Variants in SHTN1 observed in about 807,000 individuals in gnomAD.
SHTN1 encodes shootin 1.
SHTN1 carries 42 observed loss-of-function variants against 83.1 expected under a neutral mutation model. That is an observed-to-expected ratio of 0.51 (90% CI 0.39 to 0.65). The LOEUF (loss-of-function observed/expected upper bound fraction) is 0.65. SHTN1 is among the 30% of genes least tolerant of loss of function. SHTN1 has a pLI of 0.00. For missense variants in SHTN1, 622 were observed against 737.8 expected (o/e 0.84, Z 1.82); for synonymous variants, 224 against 247.7 (o/e 0.90, Z 0.90).
At chr10:117,010,912 T>C (rs1426013441) in intron 2 of SHTN1, among the ~76,000 whole-genome samples, 1 of 152,180 alleles carries the variant, frequency 6.6e-6, no homozygotes, top group African/African-American at 2.4e-5. Context: ...CAGTAATAGA[T>C]GGAACATCCT....
In SHTN1 at chr10:116,892,149, C is replaced by T. The variant is rs193074083; in HGVS notation, c.1674-5583G>A. Among the ~76,000 whole-genome samples, 34 of 152,274 alleles carry T rather than the reference C, an allele frequency of 2.2e-4. 1 individual carries two copies. The highest frequency in any genetic ancestry group is 8.2e-4 in the African/African-American group (34 of 41,568). On this transcript the variant is annotated intron_variant, in intron 16 of 16. Transcript: ENST00000355371. ...TTTAGCTGAGTGACTGCAGCACAGG[C>T]ATCCCAGTACACGGCTTACCTCCCG...
In SHTN1 at chr10:117,013,227, T is replaced by C. The variant is rs1002412850; in HGVS notation, c.-122-33919A>G. On this transcript the variant is annotated intron_variant, in intron 2 of 17. Transcript: ENST00000392901. The stretch of plus-strand genomic sequence containing the variant: ...TCTTGCTCTGTGTCCCAGGCTGGAG[T>C]GCAGTGGTACCATCTCGGCTCACTG... Among the ~76,000 whole-genome samples the C allele has an allele frequency of 2.0e-5, 3 of 152,152 alleles. No homozygotes were observed. In the East Asian group the frequency reaches 5.8e-4, roughly 29 times the overall value.
rs746080176 is a variant in SHTN1 at position 117,005,057 on chromosome 10, T to G, written c.23A>C (p.Lys8Thr). 8 of 1,599,076 alleles carry G rather than the reference T, an allele frequency of 5.0e-6. No individual in the cohort carries two copies. Among genetic ancestry groups the G allele is most frequent in the Non-Finnish European group, 6.0e-6 (7 of 1,173,186 alleles). MNSSDEE[K>T]QLQLITSLKE... ...CAGACTGGTAATGAGCTGCAGCTGC[T>G]TCTCTTCGTCCGAGCTGTTCATTTT... is the stretch of plus-strand genomic sequence containing the variant. The change falls in exon 1 of 17, where the codon AAG (lysine) becomes ACG (threonine). Residue 8 changes from lysine (K) to threonine (T), a missense_variant. Lys to Thr is a moderately conservative substitution (Grantham distance 78). Transcript: ENST00000355371.
intron 1 of SHTN1, among the ~76,000 whole-genome samples, chr10:116,989,131 A>G (rs1020337495): frequency 6.6e-6 from 1 of 152,214 alleles, no homozygotes; most frequent in Admixed American, 6.5e-5. Flanking sequence ...ATACATGTGT[A>G]TAAGAATGTA....
At chr10:117,091,530 G>A (rs1447498976) in intron 1 of SHTN1, among the ~76,000 whole-genome samples, 1 of 152,138 alleles carries the variant, frequency 6.6e-6, no homozygotes, top group African/African-American at 2.4e-5. Flanking sequence ...CTTCTAAGGG[G>A]AGGTGGAACC....
chr10:116,916,162 T>C (rs775135434), intron 12 of SHTN1, among the ~76,000 whole-genome samples: 3 of 152,184 alleles, frequency 2.0e-5, no homozygotes, highest in Non-Finnish European at 4.4e-5. Context: ...ATCTATTGTT[T>C]AACGTTGCCA....
intron 15 of SHTN1, among the ~76,000 whole-genome samples, chr10:116,904,381 A>T (rs908601460): frequency 6.6e-6 from 1 of 152,168 alleles, no homozygotes; most frequent in African/African-American, 2.4e-5. Context: ...TGTACCACCT[A>T]AAAAATGGTA....
At chr10:117,112,122 T>C (rs746089316) in intron 1 of SHTN1, among the ~76,000 whole-genome samples, 22 of 152,230 alleles carry the variant, frequency 1.4e-4, no homozygotes, top group African/African-American at 5.1e-4. Context: ...CACGCCACCA[T>C]GCCCGGCTAA....
chr10:116,900,719 T>A, intron 16 of SHTN1: 1 of 983,700 alleles, frequency 1.0e-6, no homozygotes, highest in African/African-American at 1.7e-5. Flanking sequence ...TGAATATAGA[T>A]CATCTTTCTG....
intron 2 of SHTN1, among the ~76,000 whole-genome samples, chr10:117,040,196 T>C (rs1852563500): frequency 6.6e-6 from 1 of 152,152 alleles, no homozygotes; most frequent in African/African-American, 2.4e-5. Flanking sequence ...TGAAAATTTG[T>C]ATAGAAATAC....
chr10:117,032,643 A>C (rs1852435369), intron 2 of SHTN1, among the ~76,000 whole-genome samples: 1 of 152,226 alleles, frequency 6.6e-6, no homozygotes, highest in Non-Finnish European at 1.5e-5. Context: ...CAGATCTAAC[A>C]GACAGAAAAC....
At chr10:117,033,807 T>C (rs1452447622) in intron 2 of SHTN1, among the ~76,000 whole-genome samples, 1 of 152,064 alleles carries the variant, frequency 6.6e-6, no homozygotes, top group Non-Finnish European at 1.5e-5. Flanking sequence ...AATTCAACAA[T>C]ACATTAATAA....
In SHTN1 at chr10:116,904,055, A is replaced by T. The variant is rs559096256; in HGVS notation, c.1481-2098T>A. ...ACATCCTTTGTCCCTGGGGCAGATAACCATTAACCTGAGATCTTAGCTCTG... is the reference window on the plus strand; with the variant it reads ...ACATCCTTTGTCCCTGGGGCAGATATCCATTAACCTGAGATCTTAGCTCTG... On this transcript the variant is annotated intron_variant, in intron 15 of 16. Transcript: ENST00000355371. Among the ~76,000 whole-genome samples the T allele has an allele frequency of 3.3e-5, 5 of 152,288 alleles. No homozygotes were observed. The South Asian group carries it at 1.0e-3, about 32-fold the overall frequency.
chr10:117,060,808 C>T (rs2133595109), intron 1 of SHTN1, among the ~76,000 whole-genome samples: 1 of 152,230 alleles, frequency 6.6e-6, no homozygotes, highest in South Asian at 2.1e-4. Flanking sequence ...TTACAGAAAA[C>T]TTGTGGTATT....
At chr10:116,893,597 C>CACACACACACACACACACACACACACAT (rs3981216) in intron 16 of SHTN1, among the ~76,000 whole-genome samples, 1 of 151,340 alleles carries the variant, frequency 6.6e-6, no homozygotes, top group African/African-American at 2.4e-5. Flanking sequence ...CACACACACA[C>CACACACACACACACACACACACACACAT]GAGAAAGAAA....
chr10:116,975,735 C>T lies in SHTN1; in HGVS notation c.111+3521G>A, dbSNP rs556125579. ...GAAAATATCCATCAAAACATGGGTC[C>T]ACTCCCCCTGCCCCAAATTTCCTGC... On this transcript the variant is annotated intron_variant, in intron 2 of 16. Coordinates refer to ENST00000355371, the MANE Select transcript of SHTN1 (RefSeq NM_001127211.3). 7.4e-4 allele frequency among the ~76,000 whole-genome samples: 113 copies of T among 151,932 alleles called. 2 individuals are homozygous for T. In the South Asian group the frequency reaches 0.022, roughly 30 times the overall value.
intron 2 of SHTN1, among the ~76,000 whole-genome samples, chr10:117,037,910 G>A (rs1852523463): frequency 3.4e-5 from 1 of 29,508 alleles, no homozygotes; most frequent in African/African-American, 1.4e-4. Context: ...GGGAGGTGAG[G>A]CAGGATAATT....
chr10:117,097,030 G>GACACACACACACACAC (rs5788209), intron 1 of SHTN1, among the ~76,000 whole-genome samples: 5 of 148,950 alleles, frequency 3.4e-5, no homozygotes, highest in African/African-American at 9.9e-5. Flanking sequence ...CACACACATA[G>GACACACACACACACAC]ACACACACAC....
chr10:117,122,143 ATTTAC>A lies in SHTN1; in HGVS notation c.-189+4159_-189+4163del, dbSNP rs781604942. 1.0e-3 allele frequency among the ~76,000 whole-genome samples: 159 copies of A among 152,214 alleles called. 1 individual carries two copies. The highest frequency in any genetic ancestry group is 1.9e-3 in the Non-Finnish European group (126 of 68,010). ...TAAATAATTGTTGTACTGTATTTGT[ATTTAC>A]TTTATTTTTTATTTTCATATTGCTA... On this transcript the variant is annotated intron_variant, in intron 1 of 17. Coordinates refer to the SHTN1 transcript ENST00000392901.
Sources: allele counts gnomAD v4.1 joint callset (sites outside exome capture counted in the v4.1 genomes callset), GRCh38; gene constraint gnomAD v4.1.1; transcripts MANE v1.5; gene names NCBI Gene and HGNC (gene_info 2026-07-23, HGNC 2026-07-21).